The following PXDNL variants were observed in gnomAD, a reference collection of about 807,000 sequenced individuals.
PXDNL encodes peroxidasin like.
In PXDNL, 145 loss-of-function variants were observed where a neutral mutation model predicts 150.8. The observed-to-expected ratio is 0.96, with a 90% CI of 0.84 to 1.10. The LOEUF is 1.10. PXDNL is among the 50% of genes least tolerant of loss of function. The probability of loss-of-function intolerance (pLI) is 0.00; values close to 1 mark genes in which losing one functional copy is unlikely to be tolerated. For missense variants in PXDNL, 2,087 were observed against 1,873.9 expected (o/e 1.11, Z -2.10); for synonymous variants, 757 against 725.7 (o/e 1.04, Z -0.69).
intron 1 of PXDNL, among the ~76,000 whole-genome samples, chr8:51,796,343 A>T (rs1213313525): frequency 6.7e-6 from 1 of 150,054 alleles, no homozygotes; most frequent in Non-Finnish European, 1.5e-5. Flanking sequence ...AACAACAACA[A>T]CCAAAAAAAA....
In PXDNL at chr8:51,765,013, A is replaced by G. The variant is rs191926560; in HGVS notation, c.164+44168T>C. Among the ~76,000 whole-genome samples the G allele has an allele frequency of 2.8e-4, 42 of 152,292 alleles. No homozygotes were observed. In the East Asian group the frequency reaches 6.4e-3, roughly 23 times the overall value. ...ATTATTGTGTCTTTCTGATGAACTA[A>G]CCATTTCATTATTTTAAAACAGTCT... On this transcript the variant is annotated intron_variant, in intron 1 of 22. Coordinates refer to ENST00000356297, the MANE Select transcript of PXDNL (RefSeq NM_144651.5).
chr8:51,805,586 A>T (rs1459716073), intron 1 of PXDNL, among the ~76,000 whole-genome samples: 1 of 151,700 alleles, frequency 6.6e-6, no homozygotes, highest in Non-Finnish European at 1.5e-5. Context: ...GACATTTTCC[A>T]TTTCCCCACC....
intron 1 of PXDNL, among the ~76,000 whole-genome samples, chr8:51,776,520 G>C (rs1468188670): frequency 6.6e-6 from 1 of 152,024 alleles, no homozygotes; most frequent in Non-Finnish European, 1.5e-5. Context: ...AATTATCGGG[G>C]GCTGGTTTCC....
At chr8:51,760,666 C>T (rs2037151759) in intron 1 of PXDNL, among the ~76,000 whole-genome samples, 1 of 151,996 alleles carries the variant, frequency 6.6e-6, no homozygotes. Context: ...CATTTAACAT[C>T]CACTATTTGT....
intron 21 of PXDNL, among the ~76,000 whole-genome samples, chr8:51,321,588 G>T (rs576215229): frequency 6.6e-6 from 1 of 152,146 alleles, no homozygotes; most frequent in African/African-American, 2.4e-5. Flanking sequence ...CATGAGATCT[G>T]ATGGTTTAAA....
chr8:51,654,467 G>A (rs1277693870), intron 2 of PXDNL, among the ~76,000 whole-genome samples: 1 of 150,594 alleles, frequency 6.6e-6, no homozygotes, highest in African/African-American at 2.5e-5. Context: ...TAAACCAATA[G>A]AATACAAATA....
chr8:51,411,333 C>T lies in PXDNL; in HGVS notation c.1979G>A (p.Arg660Lys), dbSNP rs763736603. 6.3e-6 allele frequency: 10 copies of T among 1,590,830 alleles called. No homozygotes were observed. In the South Asian group the frequency reaches 1.2e-4, roughly 18 times the overall value. Residue 660 changes from arginine (R) to lysine (K), a missense_variant, in exon 16 of 23, where the codon AGA becomes AAA. By Grantham distance (26) the Arg-to-Lys change is conservative (BLOSUM62 2). Transcript: ENST00000356297. ...CGTGTGCTCAAAAATCTCCCCTGCT[C>T]TTGCCATTTCCACAATCAGTGGGTC... The part of the protein sequence containing the change: ...PRDPLIVEMA[R>K]AGEIFEHTLQ...
chr8:51,546,927 C>A (rs950254072), intron 4 of PXDNL, among the ~76,000 whole-genome samples: 1 of 151,752 alleles, frequency 6.6e-6, no homozygotes, highest in African/African-American at 2.4e-5. Context: ...CATTCATAAT[C>A]CCCCTTGGAA....
intron 17 of PXDNL, among the ~76,000 whole-genome samples, chr8:51,404,232 AAG>A (rs1341637333): frequency 6.6e-6 from 1 of 152,238 alleles, no homozygotes; most frequent in East Asian, 1.9e-4. Flanking sequence ...ACACTGTCGA[AAG>A]AGACCGGAGT....
At position 51,372,042 on chromosome 8, in the gene PXDNL, T is replaced by C. The variant is rs1337240476; in HGVS notation, c.3732A>G (p.Gln1244=). 6.2e-7 allele frequency: 1 copy of C among 1,607,468 alleles called. No homozygotes were observed. Among genetic ancestry groups the C allele is most frequent in the Non-Finnish European group, 8.5e-7 (1 of 1,176,716 alleles). ...GGGACGCCTGCTTCAGCTGAGTGAG[T>C]TGTGCCGGGGTAAATACTCCAGGGT... is the stretch of plus-strand genomic sequence containing the variant. ...YENPGVFTPA[Q]LTQLKQASLS... Residue 1244 remains glutamine, a synonymous_variant, in exon 19 of 23, where the codon CAA becomes CAG. Transcript: ENST00000356297.
chr8:51,447,175 G>A lies in PXDNL; in HGVS notation c.1367-13C>T. On this transcript the variant is annotated splice_polypyrimidine_tract_variant and intron_variant, in intron 11 of 22. Coordinates refer to ENST00000356297, the MANE Select transcript of PXDNL (RefSeq NM_144651.5). ...GGGAGCTGCCCTCCTGCAAAAAGAG[G>A]TAAAGAAAGTATTCTTCATGGCCCA... 6.2e-7 allele frequency: 1 copy of A among 1,612,120 alleles called. No individual in the cohort carries two copies. The highest frequency in any genetic ancestry group is 2.2e-5 in the East Asian group (1 of 44,794).
chr8:51,560,335 T>C (rs982859157), intron 3 of PXDNL, among the ~76,000 whole-genome samples: 8 of 151,962 alleles, frequency 5.3e-5, no homozygotes, highest in African/African-American at 1.9e-4. Flanking sequence ...CTATGTGACA[T>C]TTCAAGAGGC....
intron 5 of PXDNL, among the ~76,000 whole-genome samples, chr8:51,489,425 C>G (rs530600824): frequency 6.6e-6 from 1 of 152,160 alleles, no homozygotes; most frequent in Non-Finnish European, 1.5e-5. Flanking sequence ...AAGCAGTCCT[C>G]CTGCCTCACC....
intron 1 of PXDNL, among the ~76,000 whole-genome samples, chr8:51,677,466 A>G (rs1428441888): frequency 3.3e-5 from 5 of 152,226 alleles, no homozygotes; most frequent in Non-Finnish European, 7.3e-5. Context: ...TCATACAGTG[A>G]CTGACCAGTT....
chr8:51,382,273 T>C (rs958430053), intron 17 of PXDNL, among the ~76,000 whole-genome samples: 3 of 152,004 alleles, frequency 2.0e-5, no homozygotes, highest in African/African-American at 7.3e-5. Flanking sequence ...CACCAGAAAC[T>C]AGGAAAAGCA....
intron 1 of PXDNL, among the ~76,000 whole-genome samples, chr8:51,784,658 C>A (rs780623602): frequency 3.3e-5 from 5 of 152,086 alleles, no homozygotes; most frequent in African/African-American, 1.2e-4. Context: ...CAAAGGAATG[C>A]CTGAACACAC....
At chr8:51,518,830 G>A (rs1811599636) in intron 4 of PXDNL, among the ~76,000 whole-genome samples, 1 of 152,136 alleles carries the variant, frequency 6.6e-6, no homozygotes, top group Admixed American at 6.5e-5. Context: ...GGCTCGATAG[G>A]AGAAATGATG....
chr8:51,760,808 G>A (rs969771167), intron 1 of PXDNL, among the ~76,000 whole-genome samples: 9 of 141,234 alleles, frequency 6.4e-5, no homozygotes, highest in Non-Finnish European at 1.2e-4. Flanking sequence ...CCTGTTCCCA[G>A]CCAGGTTCAT....
At chr8:51,532,120 G>A (rs1011788288) in intron 4 of PXDNL, among the ~76,000 whole-genome samples, 6 of 152,186 alleles carry the variant, frequency 3.9e-5, no homozygotes, top group Admixed American at 2.6e-4. Context: ...CTAATGCAAG[G>A]CATGCTTCTC....
Sources: gnomAD v4.1 joint callset for allele counts (sites outside exome capture counted in the v4.1 genomes callset) on GRCh38, gnomAD v4.1.1 for gene constraint, MANE v1.5 for transcripts, NCBI Gene and HGNC (gene_info 2026-07-23, HGNC 2026-07-21) for gene names.